The following TMEM17 variants were observed in gnomAD, a reference collection of about 807,000 sequenced individuals.
TMEM17 encodes transmembrane protein 17.
A neutral mutation model predicts 19.1 loss-of-function variants in TMEM17; 15 were observed. The ratio of observed to expected loss-of-function variants is 0.78; its 90% CI spans 0.52 to 1.21. The LOEUF is 1.21. TMEM17 is among the 50% of genes most tolerant of loss of function. The pLI is 0.00. For synonymous variants in TMEM17, 103 were observed against 86.9 expected, an observed-to-expected ratio of 1.19 and a Z score of -1.03; for missense variants, 245 against 242.3, an observed-to-expected ratio of 1.01 and a Z score of -0.07.
At chr2:62,478,597 A>G in the TMEM17 span, among the ~76,000 whole-genome samples, 1 of 152,190 alleles carries the variant, frequency 6.6e-6, no homozygotes, top group Admixed American at 6.5e-5. Context: ...TGGCTCAGGC[A>G]TCTTGTTGCT....
chr2:62,505,316 G>C (rs1048807179), intron 1 of TMEM17, among the ~76,000 whole-genome samples: 4 of 152,188 alleles, frequency 2.6e-5, no homozygotes, highest in African/African-American at 9.7e-5. Context: ...GTTAAAGGAC[G>C]CAGAAGCATC....
chr2:62,505,897 C>T, intron 1 of TMEM17, 133 bp downstream of exon 1: 1 of 893,328 alleles, frequency 1.1e-6, no homozygotes, highest in Non-Finnish European at 1.7e-6. Flanking sequence ...TCCTCCAAGG[C>T]GCTCTCCCGC....
the TMEM17 span, among the ~76,000 whole-genome samples, chr2:62,493,336 A>G: frequency 1.3e-5 from 2 of 152,150 alleles, no homozygotes; most frequent in African/African-American, 4.8e-5. Flanking sequence ...CCTGGAAATG[A>G]GAGTCTTAAC....
At chr2:62,502,844 C>A (rs1558723695) in intron 1 of TMEM17, 50 bp from the exon 2 acceptor site, 18 of 1,085,384 alleles carry the variant, frequency 1.7e-5, no homozygotes, top group African/African-American at 4.8e-5. Flanking sequence ...GGTTTATGCC[C>A]TATATATATA....
At chr2:62,488,507 A>C in the TMEM17 span, among the ~76,000 whole-genome samples, 1 of 151,848 alleles carries the variant, frequency 6.6e-6, no homozygotes, top group Non-Finnish European at 1.5e-5. Flanking sequence ...AAAAAAAAAA[A>C]AACTTAGAGA....
rs1197211607 is a variant in TMEM17 at position 62,501,272 on chromosome 2, A to G, written c.534T>C (p.Phe178=). Residue 178 remains phenylalanine, a synonymous_variant, in exon 4 of 4, where the codon TTT becomes TTC. Transcript: ENST00000335390. The part of the protein sequence containing the change: ...QLAVRFHLQD[F]DRLSANRGDM... ...CTCCTCTGTTTGCAGAGAGCCGGTC[A>G]AAGTCTTGGAGGTGGAAACGAACTG... The G allele has an allele frequency of 1.2e-6, 2 of 1,614,216 alleles. No individual in the cohort carries two copies. Among genetic ancestry groups the G allele is most frequent in the Admixed American group, 1.7e-5 (1 of 60,018 alleles).
the TMEM17 span, among the ~76,000 whole-genome samples, chr2:62,467,805 A>G: frequency 6.6e-6 from 1 of 151,858 alleles, no homozygotes; most frequent in Non-Finnish European, 1.5e-5. Flanking sequence ...AGGTTCACAC[A>G]GTCTGCAAAG....
At chr2:62,476,530 A>G in the TMEM17 span, among the ~76,000 whole-genome samples, 1 of 152,224 alleles carries the variant, frequency 6.6e-6, no homozygotes, top group Admixed American at 6.5e-5. Context: ...TATTGAAGTA[A>G]AAAATGCATC....
At chr2:62,493,575 T>C in the TMEM17 span, among the ~76,000 whole-genome samples, 5 of 152,206 alleles carry the variant, frequency 3.3e-5, no homozygotes, top group African/African-American at 1.2e-4. Flanking sequence ...AATTATATAC[T>C]AGTGAACTTT....
the TMEM17 span, among the ~76,000 whole-genome samples, chr2:62,473,254 T>C: frequency 6.6e-6 from 1 of 152,194 alleles, no homozygotes; most frequent in African/African-American, 2.4e-5. Flanking sequence ...TATTTCTGGA[T>C]AAGAAAACTA....
chr2:62,489,603 A>G, the TMEM17 span, among the ~76,000 whole-genome samples: 2 of 152,148 alleles, frequency 1.3e-5, no homozygotes, highest in Non-Finnish European at 2.9e-5. Context: ...GGTTCATTCC[A>G]TTTTATGCAA....
the TMEM17 span, among the ~76,000 whole-genome samples, chr2:62,457,967 T>A: frequency 6.6e-6 from 1 of 151,864 alleles, no homozygotes; most frequent in Non-Finnish European, 1.5e-5. This position sits in a 1 kb window ranked among gnomAD's most constrained non-coding sequence, Gnocchi z 4.2. Flanking sequence ...AGATCTGGGG[T>A]CAGAAAAAGA....
At chr2:62,488,953 G>A in the TMEM17 span, among the ~76,000 whole-genome samples, 12 of 152,222 alleles carry the variant, frequency 7.9e-5, no homozygotes, top group Admixed American at 5.2e-4. Context: ...ATACAGGGAT[G>A]TAGGCTTTTA....
At chr2:62,463,050 T>G in the TMEM17 span, 1 of 152,230 alleles carries the variant, frequency 6.6e-6, no homozygotes. Context: ...GCCTTTTCAA[T>G]CCTTCCAGCT....
the TMEM17 span, among the ~76,000 whole-genome samples, chr2:62,474,414 A>C: frequency 6.6e-6 from 1 of 152,146 alleles, no homozygotes; most frequent in Non-Finnish European, 1.5e-5. Context: ...CCTGCTCTTC[A>C]ACCCACGCTG....
intron 1 of TMEM17, among the ~76,000 whole-genome samples, chr2:62,504,568 C>A (rs976102924): frequency 1.3e-5 from 2 of 152,124 alleles, no homozygotes; most frequent in African/African-American, 4.8e-5. Context: ...AACTTATAAT[C>A]ATGGAAATGA....
intron 1 of TMEM17, among the ~76,000 whole-genome samples, chr2:62,505,297 T>C (rs936971904): frequency 1.3e-5 from 2 of 152,162 alleles, no homozygotes; most frequent in Non-Finnish European, 2.9e-5. Flanking sequence ...TGTTATCACT[T>C]GACATCAAGT....
the TMEM17 span, among the ~76,000 whole-genome samples, chr2:62,466,192 G>A: frequency 6.6e-6 from 1 of 152,294 alleles, no homozygotes; most frequent in African/African-American, 2.4e-5. Context: ...TCACCAATGA[G>A]TGAAGGATAA....
chr2:62,502,509 A>G lies in TMEM17; in HGVS notation c.246T>C (p.Thr82=), dbSNP rs1468370659. 3.7e-6 allele frequency: 6 copies of G among 1,612,568 alleles called. No individual in the cohort carries two copies. The highest frequency in any genetic ancestry group is 5.1e-6 in the Non-Finnish European group (6 of 1,179,034). ...LPDYYKFIVI[T]VIILITLIEA... Reference sequence around the variant, plus strand: ...CAATTAAGGTTATTAGGATGATAACAGTGATCACAATGAATTTGTAGTAGT... The same window carrying G: ...CAATTAAGGTTATTAGGATGATAACGGTGATCACAATGAATTTGTAGTAGT... Residue 82 remains threonine, a synonymous_variant, in exon 3 of 4, where the codon ACT becomes ACC. Coordinates refer to ENST00000335390, the MANE Select transcript of TMEM17 (RefSeq NM_198276.3).
Sources: gnomAD v4.1 joint callset for allele counts (sites outside exome capture counted in the v4.1 genomes callset) on GRCh38, gnomAD v4.1.1 for gene constraint, Gnocchi (gnomAD v3.1) non-coding constraint, MANE v1.5 for transcripts, NCBI Gene and HGNC (gene_info 2026-07-23, HGNC 2026-07-21) for gene names.